Variants in ADAMTS17 observed in about 807,000 individuals in gnomAD.
The protein encoded by ADAMTS17 is A disintegrin and metalloproteinase with thrombospondin motifs 17.
A neutral mutation model predicts 141.5 loss-of-function variants in ADAMTS17; 113 were observed. The observed-to-expected ratio is 0.80, with a 90% CI of 0.69 to 0.93. The LOEUF (loss-of-function observed/expected upper bound fraction) is 0.93. ADAMTS17 is among the 40% of genes least tolerant of loss of function. ADAMTS17 has a pLI of 0.00. For synonymous variants in ADAMTS17, 768 were observed against 630.6 expected (o/e 1.22, Z -3.27); for missense variants, 1,659 against 1,517.9 (o/e 1.09, Z -1.54).
At chr15:100,252,514 C>T (rs114663516) in intron 7 of ADAMTS17, among the ~76,000 whole-genome samples, 88 of 152,282 alleles carry the variant, frequency 5.8e-4, no homozygotes, top group African/African-American at 1.9e-3. Flanking sequence ...GGAGCAGAGG[C>T]GCCCCGGACA....
chr15:100,147,022 G>A (rs969295895), intron 10 of ADAMTS17, among the ~76,000 whole-genome samples: 3 of 151,956 alleles, frequency 2.0e-5, no homozygotes, highest in South Asian at 2.1e-4. Context: ...CTGTGATCTC[G>A]CCCTGCCTCC....
chr15:100,226,508 C>A (rs4305002), intron 7 of ADAMTS17, among the ~76,000 whole-genome samples: 20,460 of 152,278 alleles, frequency 0.13, 1,571 homozygotes, highest in African/African-American at 0.19. Flanking sequence ...GAGGCTTTTC[C>A]GTGAAACTGA....
At chr15:99,988,248 C>A (rs1275505146) in intron 20 of ADAMTS17, among the ~76,000 whole-genome samples, 1 of 152,108 alleles carries the variant, frequency 6.6e-6, no homozygotes, top group East Asian at 1.9e-4. Context: ...ACGAGTCCCT[C>A]AGGAATGCCT....
At chr15:100,176,489 G>A (rs1396096043) in intron 8 of ADAMTS17, among the ~76,000 whole-genome samples, 2 of 152,132 alleles carry the variant, frequency 1.3e-5, no homozygotes, top group African/African-American at 2.4e-5. Context: ...TCTTTTCTCT[G>A]TATAGCTATG....
intron 15 of ADAMTS17, among the ~76,000 whole-genome samples, chr15:100,059,854 G>A (rs748940301): frequency 1.1e-4 from 17 of 152,174 alleles, no homozygotes; most frequent in Non-Finnish European, 2.5e-4. Flanking sequence ...ACAGCCCTAT[G>A]CATAATGTAT....
chr15:100,338,356 T>A (rs2046267275), intron 2 of ADAMTS17, among the ~76,000 whole-genome samples: 1 of 152,198 alleles, frequency 6.6e-6, no homozygotes, highest in Non-Finnish European at 1.5e-5. Flanking sequence ...CAACATGGAA[T>A]AGAACGTGTG....
rs531841710 is a variant in ADAMTS17, at chr15:100,167,074, G to A, written c.1182-11754C>T. Among the ~76,000 whole-genome samples the A allele has an allele frequency of 7.2e-5, 11 of 152,354 alleles. No homozygotes were observed. In the South Asian group the frequency reaches 2.3e-3, roughly 32 times the overall value. On this transcript the variant is annotated intron_variant, in intron 8 of 21. Coordinates refer to ENST00000268070, the MANE Select transcript of ADAMTS17 (RefSeq NM_139057.4). ...TGTGGCTACTAAGAGTTTGAAATGT[G>A]CTAGTGTGACCGAGGAACTAATTTT...
rs564227963 is a variant in ADAMTS17, at chr15:99,987,260, T to C, written c.2949+5788A>G. The stretch of plus-strand genomic sequence containing the variant: ...ATCGAAGCTTCCATCTGCTGGAAGA[T>C]TGCCCCTTTAAGCTCCCTCTACTGC... On this transcript the variant is annotated intron_variant, in intron 20 of 21. Transcript: ENST00000268070. Among the ~76,000 whole-genome samples, 59 of 152,322 alleles carry C rather than the reference T, an allele frequency of 3.9e-4. No homozygotes were observed. The South Asian group carries it at 5.6e-3, about 14-fold the overall frequency.
intron 15 of ADAMTS17, among the ~76,000 whole-genome samples, chr15:100,078,924 C>CA (rs948272468): frequency 1.3e-5 from 2 of 151,840 alleles, no homozygotes; most frequent in South Asian, 4.2e-4. Flanking sequence ...GGCACTTCCG[C>CA]AAAAAAGATA....
chr15:100,196,357 A>G lies in ADAMTS17; in HGVS notation c.1181+2961T>C, dbSNP rs530491047. Among the ~76,000 whole-genome samples, 120 of 152,400 alleles carry G rather than the reference A, an allele frequency of 7.9e-4. 2 individuals carry two copies. In the Middle Eastern group the frequency reaches 0.027, roughly 35 times the overall value. The stretch of plus-strand genomic sequence containing the variant: ...CTAGCTTTGTGTTTTCTGACAGCCA[A>G]TGCAGCAACAAAATCATGTGAATCT... On this transcript the variant is annotated intron_variant, in intron 8 of 21. Transcript: ENST00000268070.
At chr15:100,161,096 C>T (rs1352143423) in intron 8 of ADAMTS17, among the ~76,000 whole-genome samples, 1 of 152,140 alleles carries the variant, frequency 6.6e-6, no homozygotes, top group East Asian at 1.9e-4. Flanking sequence ...CGTGGCCCAG[C>T]TTTATCAGAC....
chr15:100,060,381 T>A (rs1190459593), intron 15 of ADAMTS17, among the ~76,000 whole-genome samples: 1 of 152,214 alleles, frequency 6.6e-6, no homozygotes, highest in East Asian at 1.9e-4. Flanking sequence ...AACGTCCATT[T>A]CGGTCTCTGG....
At chr15:100,160,250 T>C (rs1403867575) in intron 8 of ADAMTS17, among the ~76,000 whole-genome samples, 1 of 152,194 alleles carries the variant, frequency 6.6e-6, no homozygotes, top group African/African-American at 2.4e-5. Flanking sequence ...CCTCAGGTAA[T>C]GAGAACTTTT....
rs537435425 is a variant in ADAMTS17, at chr15:100,239,044, C to T, written c.1075+15092G>A. Among the ~76,000 whole-genome samples, 13 of 152,270 alleles carry T rather than the reference C, an allele frequency of 8.5e-5. No individual in the cohort carries two copies. In the East Asian group the frequency reaches 2.3e-3, roughly 27 times the overall value. On this transcript the variant is annotated intron_variant, in intron 7 of 21. Coordinates refer to ENST00000268070, the MANE Select transcript of ADAMTS17 (RefSeq NM_139057.4). ...GATGGAGCTTGCAGTGAGCCGAGAT[C>T]ACGCCACTGCACTCCAGCCTGGGCA...
intron 18 of ADAMTS17, among the ~76,000 whole-genome samples, chr15:100,008,972 T>G (rs2061099423): frequency 6.6e-6 from 1 of 152,172 alleles, no homozygotes; most frequent in Non-Finnish European, 1.5e-5. Context: ...ACTGCATAGC[T>G]GGGACGACAG....
intron 3 of ADAMTS17, among the ~76,000 whole-genome samples, chr15:100,292,527 A>T (rs1357881512): frequency 6.9e-6 from 1 of 144,838 alleles, no homozygotes; most frequent in Non-Finnish European, 1.5e-5. Flanking sequence ...TATGAGAGAC[A>T]CTCACCCCGT....
At chr15:100,133,367 G>A (rs1484744207) in intron 10 of ADAMTS17, 52 bp from the exon 11 acceptor site, 2 of 1,528,012 alleles carry the variant, frequency 1.3e-6, no homozygotes, top group Non-Finnish European at 1.8e-6. Context: ...ACACTCACAG[G>A]TCACAGCTGG....
intron 20 of ADAMTS17, among the ~76,000 whole-genome samples, chr15:99,990,361 C>G (rs1433958783): frequency 1.3e-5 from 2 of 152,134 alleles, no homozygotes; most frequent in East Asian, 3.9e-4. Flanking sequence ...TTTGTGGGAG[C>G]TCTGAAGTTA....
At chr15:100,284,036 C>A (rs1179399197) in intron 3 of ADAMTS17, among the ~76,000 whole-genome samples, 5 of 152,134 alleles carry the variant, frequency 3.3e-5, no homozygotes. Context: ...ACCTGGGTAG[C>A]AGAGGTTGCA....
Sources: gnomAD v4.1 joint callset for allele counts (sites outside exome capture counted in the v4.1 genomes callset) on GRCh38, gnomAD v4.1.1 for gene constraint, MANE v1.5 for transcripts, NCBI Gene and HGNC (gene_info 2026-07-23, HGNC 2026-07-21) for gene names.